SOX6: variants seen among roughly 807,000 people sequenced by gnomAD.
SOX6 encodes the protein SRY-box transcription factor 6.
A neutral mutation model predicts 97.8 loss-of-function variants in SOX6; 11 were observed. The observed-to-expected ratio is 0.11, with a 90% confidence interval of 0.07 to 0.19. The LOEUF (loss-of-function observed/expected upper bound fraction) is 0.19, where lower values mean the gene tolerates loss of function less well. SOX6 is among the 10% of genes least tolerant of loss of function. The probability of loss-of-function intolerance (pLI) is 1.00; values close to 1 mark genes in which losing one functional copy is unlikely to be tolerated. For missense variants in SOX6, 810 were observed against 1,039.5 expected, an observed-to-expected ratio of 0.78 and a Z score of 3.04; for synonymous variants, 360 against 371.4, an observed-to-expected ratio of 0.97 and a Z score of 0.35.
chr11:16,726,575 T>C (rs995218891), intron 2 of SOX6, among the ~76,000 whole-genome samples: 8 of 152,220 alleles, frequency 5.3e-5, no homozygotes, highest in Non-Finnish European at 1.5e-5. Context: ...TGCCAAGATA[T>C]TATTATTGAT....
intron 9 of SOX6, among the ~76,000 whole-genome samples, chr11:16,081,677 T>C (rs1335917282): frequency 6.6e-6 from 1 of 152,176 alleles, no homozygotes; most frequent in Non-Finnish European, 1.5e-5. Flanking sequence ...TTTCTGTCAC[T>C]TCTTATGTGT....
At chr11:16,543,900 C>T (rs1051172490) in intron 4 of SOX6, among the ~76,000 whole-genome samples, 2 of 152,120 alleles carry the variant, frequency 1.3e-5, no homozygotes, top group African/African-American at 4.8e-5. Flanking sequence ...CTAAAGAAAA[C>T]AGTTGTTCAA....
intron 9 of SOX6, among the ~76,000 whole-genome samples, chr11:16,060,986 T>C (rs139676188): frequency 1.3e-5 from 2 of 151,864 alleles, no homozygotes; most frequent in African/African-American, 4.8e-5. Flanking sequence ...TAACATACTA[T>C]ACAAAATCAT....
At chr11:16,324,966 TTAGA>T (rs1231753550) in intron 2 of SOX6, among the ~76,000 whole-genome samples, 1 of 152,054 alleles carries the variant, frequency 6.6e-6, no homozygotes, top group African/African-American at 2.4e-5. Flanking sequence ...GGAAATATAG[TTAGA>T]TAGAAGGAAT....
chr11:16,468,665 A>T (rs1157973280), intron 1 of SOX6, among the ~76,000 whole-genome samples: 1 of 152,236 alleles, frequency 6.6e-6, no homozygotes, highest in African/African-American at 2.4e-5. Context: ...AAACATTCAG[A>T]CAGAATCAAT....
intron 1 of SOX6, among the ~76,000 whole-genome samples, chr11:16,390,753 A>C (rs914430427): frequency 6.6e-6 from 1 of 152,170 alleles, no homozygotes; most frequent in Non-Finnish European, 1.5e-5. Flanking sequence ...GGGAGTGTAA[A>C]TTAGTTCAAC....
At position 16,302,566 on chromosome 11, in the gene SOX6, CTTTTTT is replaced by C. The variant is rs71044096; in HGVS notation, c.445+15874_445+15879del. ...CTACAGCATTTTTTTTTCTTTTTTT[CTTTTTT>C]TTTTTTTTTTTTTTTTGAGAGGCAG... On this transcript the variant is annotated intron_variant, in intron 3 of 15. Coordinates refer to ENST00000683767, the MANE Select transcript of SOX6 (RefSeq NM_001367873.1). Among the ~76,000 whole-genome samples, 108 of 86,988 alleles carry C rather than the reference CTTTTTT, an allele frequency of 1.2e-3. 1 individual carries two copies. The South Asian group carries it at 0.046, about 37-fold the overall frequency. 57.1% of individuals were successfully genotyped at this position (86,988 alleles called of 152,430 possible). A position where few individuals can be genotyped will look rare whatever the true frequency, so the allele number is the denominator to read the frequency against.
In SOX6 at chr11:15,973,690, G is replaced by A. The variant is rs577488521; in HGVS notation, c.2184-578C>T. Reference sequence around the variant, plus strand: ...TTGTTAGGAATAATCCCTGTGGAAGGATCATCTTGGATGTCATTACTGCTG... The same window carrying A: ...TTGTTAGGAATAATCCCTGTGGAAGAATCATCTTGGATGTCATTACTGCTG... On this transcript the variant is annotated intron_variant, in intron 15 of 15. Transcript: ENST00000683767. Among the ~76,000 whole-genome samples the A allele has an allele frequency of 1.0e-3, 154 of 152,264 alleles. 1 individual carries two copies. Among genetic ancestry groups the A allele is most frequent in the African/African-American group, 3.6e-3 (148 of 41,564 alleles).
Position 16,601,429 on chromosome 11 carries a change from A to G in SOX6, n.609+10652T>C, listed in dbSNP as rs547051180. Among the ~76,000 whole-genome samples, 22 of 152,288 alleles carry G rather than the reference A, an allele frequency of 1.4e-4. No individual in the cohort carries two copies. In the South Asian group the frequency reaches 4.6e-3, roughly 32 times the overall value. On this transcript the variant is annotated intron_variant and non_coding_transcript_variant, in intron 4 of 5. Coordinates refer to the SOX6 transcript ENST00000524520. Reference sequence around the variant, plus strand: ...TGATATATATGCATCCCTAAACTATATTAAAACAAATAGCTCTTAGATAAA... The same window carrying G: ...TGATATATATGCATCCCTAAACTATGTTAAAACAAATAGCTCTTAGATAAA...
chr11:16,717,225 C>T (rs1848225536), intron 2 of SOX6, among the ~76,000 whole-genome samples: 1 of 152,002 alleles, frequency 6.6e-6, no homozygotes. Context: ...AATCACAGAG[C>T]GTTACAGATG....
chr11:16,485,893 CAGAAAAGGGAAGGGA>C lies in SOX6; in HGVS notation n.610-9520_610-9506del, dbSNP rs1456506390. ...TGGGCAACAGAGTGAGATACTGTCTCAGAAAAGGGAAGGGAAGAAAAGGGAAGGGGAGGGGAGGGG... is the reference window on the plus strand; with the variant it reads ...TGGGCAACAGAGTGAGATACTGTCTCAGAAAAGGGAAGGGGAGGGGAGGGG... On this transcript the variant is annotated intron_variant and non_coding_transcript_variant, in intron 4 of 5. Transcript: ENST00000524520. Among the ~76,000 whole-genome samples the C allele has an allele frequency of 2.0e-3, 229 of 116,826 alleles. 1 individual carries two copies. The highest frequency in any genetic ancestry group is 7.6e-3 in the African/African-American group (221 of 28,988). 76.6% of individuals were successfully genotyped at this position (116,826 alleles called of 152,430 possible). A position where few individuals can be genotyped will look rare whatever the true frequency, so the allele number is the denominator to read the frequency against.
intron 13 of SOX6, among the ~76,000 whole-genome samples, chr11:16,002,614 A>C (rs1424547353): frequency 6.6e-6 from 1 of 152,168 alleles, no homozygotes; most frequent in Non-Finnish European, 1.5e-5. Context: ...CCAGGTAAAA[A>C]GGCATCATTT....
intron 1 of SOX6, among the ~76,000 whole-genome samples, chr11:16,468,426 TG>T (rs1860081800): frequency 6.6e-6 from 1 of 152,208 alleles, no homozygotes. Context: ...AATACTAGTG[TG>T]TAGGATTCAG....
chr11:16,481,166 A>G (rs779075199), upstream of SOX6, among the ~76,000 whole-genome samples: 6 of 152,102 alleles, frequency 3.9e-5, no homozygotes, highest in Admixed American at 1.3e-4. Context: ...CAGCTTTACT[A>G]GATTAAACCC....
intron 1 of SOX6, among the ~76,000 whole-genome samples, chr11:16,457,942 C>T (rs1172007284): frequency 6.6e-6 from 1 of 151,930 alleles, no homozygotes; most frequent in Non-Finnish European, 1.5e-5. Context: ...CACAATATAT[C>T]TCTTCCACTA....
chr11:16,314,088 T>C (rs963223956), intron 3 of SOX6: 6 of 152,280 alleles, frequency 3.9e-5, no homozygotes, highest in South Asian at 2.1e-4. Flanking sequence ...CACCAACTTA[T>C]TGTGCTAAAA....
chr11:16,606,016 A>T (rs1189353423), intron 4 of SOX6: 1 of 152,058 alleles, frequency 6.6e-6, no homozygotes, highest in African/African-American at 2.4e-5. Context: ...ATGAGGGTTT[A>T]TTTTAATTTA....
At chr11:16,120,009 C>T (rs1477055839) in intron 6 of SOX6, among the ~76,000 whole-genome samples, 2 of 152,106 alleles carry the variant, frequency 1.3e-5, no homozygotes, top group South Asian at 4.1e-4. Context: ...AATGGATATA[C>T]ATTGTACAAA....
chr11:16,530,515 T>C (rs1276390205), intron 4 of SOX6, among the ~76,000 whole-genome samples: 1 of 152,008 alleles, frequency 6.6e-6, no homozygotes, highest in Non-Finnish European at 1.5e-5. Context: ...AATACATTGA[T>C]ATCTGAGCCA....
Sources: gnomAD v4.1 joint callset for allele counts (sites outside exome capture counted in the v4.1 genomes callset) on GRCh38, gnomAD v4.1.1 for gene constraint, MANE v1.5 for transcripts, NCBI Gene and HGNC (gene_info 2026-07-23, HGNC 2026-07-21) for gene names.